Variants in SF3B4 observed in about 807,000 individuals in gnomAD.
The protein encoded by SF3B4 is SAP 49.
SF3B4 carries 3 observed loss-of-function variants against 34.3 expected under a neutral mutation model. The ratio of observed to expected loss-of-function variants is 0.09; its 90% CI spans 0.04 to 0.23. The LOEUF (loss-of-function observed/expected upper bound fraction) is 0.23. Among genes scored for constraint, SF3B4 ranks in the 10% least tolerant of loss-of-function variants. The pLI is 1.00. For synonymous variants in SF3B4, 216 were observed against 207.8 expected (o/e 1.04, Z -0.34); for missense variants, 283 against 567.2 (o/e 0.50, Z 5.09).
chr1:149,927,604 C>A, intron 1 of SF3B4, 122 bp downstream of exon 1: 1 of 1,309,546 alleles, frequency 7.6e-7, no homozygotes. Flanking sequence ...GGCAGAGGGC[C>A]GGTCTCGCGC....
At chr1:149,925,008 A>T (rs1553765779) in intron 4 of SF3B4, among the ~76,000 whole-genome samples, 1 of 152,260 alleles carries the variant, frequency 6.6e-6, no homozygotes, top group African/African-American at 2.4e-5. Context: ...AACTGGAGTC[A>T]AAGTGGCAAG....
In SF3B4 at chr1:149,927,767, G is replaced by A. The variant is rs200662306; in HGVS notation, c.-8C>T. 14 of 1,552,766 alleles carry A rather than the reference G, an allele frequency of 9.0e-6. No homozygotes were observed. In the East Asian group the frequency reaches 2.0e-4, roughly 22 times the overall value. On this transcript the variant is annotated 5_prime_UTR_variant, in exon 1 of 6. Coordinates refer to ENST00000271628, the MANE Select transcript of SF3B4 (RefSeq NM_005850.5). The stretch of plus-strand genomic sequence containing the variant: ...GATCGGCCCGGCAGCCATGGCGAAA[G>A]AGATCCCGCCGTCTCCCAGCAGCGG...
intron 2 of SF3B4, 32 bp downstream of exon 2, chr1:149,927,134 C>T (rs587708376): frequency 6.2e-7 from 1 of 1,610,882 alleles, no homozygotes; most frequent in African/African-American, 1.3e-5. Flanking sequence ...TGGGACCCTC[C>T]GGGAGCAATT....
chr1:149,927,467 C>A, intron 1 of SF3B4, 173 bp from the exon 2 acceptor site: 1 of 792,034 alleles, frequency 1.3e-6, no homozygotes, highest in South Asian at 1.8e-5. Flanking sequence ...TTCGGGAATC[C>A]TCTGAAGTCT....
chr1:149,924,412 G>A (rs1553765734), intron 4 of SF3B4, among the ~76,000 whole-genome samples: 1 of 152,032 alleles, frequency 6.6e-6, no homozygotes, highest in Admixed American at 6.6e-5. Flanking sequence ...ACTCCAGCCT[G>A]GATGACAGAG....
Position 149,923,591 on chromosome 1 carries a change from C to T in SF3B4, c.1226G>A (p.Arg409Gln). The T allele has an allele frequency of 1.9e-6, 3 of 1,551,794 alleles. No homozygotes were observed. The highest frequency in any genetic ancestry group is 2.6e-6 in the Non-Finnish European group (3 of 1,160,082). ...GPLPPPRPTP[R>Q]PPVPPRGPLR... ...TGGGCCTCGAGGGGGAACTGGTGGC[C>T]GGGGAGTGGGTCTGGGTGGAGGGAG... Residue 409 changes from arginine (R) to glutamine (Q), a missense_variant, in exon 6 of 6, where the codon CGG (arginine) becomes CAG (glutamine). Around this residue, in one of 4 missense-constraint regions of SF3B4, gnomAD observed 208 missense variants for 292.6 expected, o/e 0.71. Coordinates refer to ENST00000271628, the MANE Select transcript of SF3B4 (RefSeq NM_005850.5).
rs587684161 is a variant in SF3B4, at chr1:149,926,470, A to C, written c.612T>G (p.Ala204=). ...CTGCAAACAGCTGATGAGGGCGATC[A>C]GCCTGGGAGAGCGGGTTCTGAGCTG... ...LLAAQNPLSQ[A]DRPHQLFADA... The change falls in exon 3 of 6, where the codon GCT becomes GCG. Residue 204 remains alanine (A), a synonymous_variant. Coordinates refer to ENST00000271628, the MANE Select transcript of SF3B4 (RefSeq NM_005850.5). The surrounding 1 kb of genome is among the most constrained non-coding windows in gnomAD (Gnocchi z 6.2). The C allele has an allele frequency of 6.2e-7, 1 of 1,614,226 alleles. No individual in the cohort carries two copies. Among genetic ancestry groups the C allele is most frequent in the South Asian group, 1.1e-5 (1 of 91,088 alleles).
At chr1:149,927,330 G>A (rs1275238620) in intron 1 of SF3B4, 36 bp from the exon 2 acceptor site, 1 of 1,608,134 alleles carries the variant, frequency 6.2e-7, no homozygotes, top group African/African-American at 1.3e-5. Context: ...AAGCGTGAGA[G>A]TGTAACGGGA....
chr1:149,927,050 TA>T, intron 2 of SF3B4, 115 bp downstream of exon 2: 1 of 1,481,044 alleles, frequency 6.8e-7, no homozygotes. Context: ...GTTCCAGAAA[TA>T]AACTGAAGAG....
At position 149,923,829 on chromosome 1, in the gene SF3B4, G is replaced by A. The variant is rs2092570575; in HGVS notation, c.1087+12C>T. The A allele has an allele frequency of 1.3e-6, 2 of 1,580,550 alleles. No individual in the cohort carries two copies. Among genetic ancestry groups the A allele is most frequent in the African/African-American group, 2.8e-5 (2 of 72,666 alleles). On this transcript the variant is annotated intron_variant, in intron 5 of 5. Transcript: ENST00000271628. ...TAAGTGCAGATGAGGGAGGTGGCTA[G>A]AGCCGACTTACCCATGGGAGATCCG... is the stretch of plus-strand genomic sequence containing the variant.
chr1:149,927,019 A>T, intron 2 of SF3B4, 101 bp from the exon 3 acceptor site: 2 of 1,446,744 alleles, frequency 1.4e-6, no homozygotes, highest in Non-Finnish European at 1.9e-6. Flanking sequence ...GAAAGAAACA[A>T]CATCACTTTA....
intron 1 of SF3B4, 151 bp downstream of exon 1, chr1:149,927,575 G>C: frequency 1.9e-6 from 2 of 1,050,418 alleles, no homozygotes; most frequent in Non-Finnish European, 2.8e-6. Flanking sequence ...GCCAGCACCC[G>C]GCCACCCCGC....
intron 4 of SF3B4, among the ~76,000 whole-genome samples, chr1:149,925,228 T>C (rs991144180): frequency 3.3e-5 from 5 of 151,736 alleles, no homozygotes; most frequent in African/African-American, 4.8e-5. Flanking sequence ...AGGAGAGGGA[T>C]AGAAAAATGA....
rs1571523304 is a variant in SF3B4 at position 149,923,888 on chromosome 1, G to A, written c.1040C>T (p.Pro347Leu). The A allele has an allele frequency of 6.2e-7, 1 of 1,605,238 alleles. No homozygotes were observed. The highest frequency in any genetic ancestry group is 1.7e-5 in the Admixed American group (1 of 57,454). ...PPPGMPHPGP[P>L]PMGMPPRGPP... ...CCCTCGGGGGGGCATGCCCATTGGA[G>A]GAGGTCCAGGATGAGGCATTCCAGG... Residue 347 changes from proline (P) to leucine (L), a missense_variant, in exon 5 of 6, where the codon CCT (proline) becomes CTT (leucine). Pro to Leu is a moderately conservative substitution (Grantham distance 98). Around this residue, in one of 4 missense-constraint regions of SF3B4, gnomAD observed 208 missense variants for 292.6 expected, o/e 0.71. Coordinates refer to ENST00000271628, the MANE Select transcript of SF3B4 (RefSeq NM_005850.5).
chr1:149,923,526 G>T lies in SF3B4; in HGVS notation c.*16C>A. ...AGATATTGGGAAAATGTAACAGGAG[G>T]AAGGAAAATGTGAATTTACTGAGGG... On this transcript the variant is annotated 3_prime_UTR_variant, in exon 6 of 6. Coordinates refer to ENST00000271628, the MANE Select transcript of SF3B4 (RefSeq NM_005850.5). The T allele has an allele frequency of 6.4e-7, 1 of 1,565,762 alleles. No individual in the cohort carries two copies. The highest frequency in any genetic ancestry group is 8.6e-7 in the Non-Finnish European group (1 of 1,161,206).
chr1:149,927,125 G>A (rs782275913), intron 2 of SF3B4, 41 bp downstream of exon 2: 6 of 1,609,422 alleles, frequency 3.7e-6, no homozygotes, highest in Non-Finnish European at 5.1e-6. Flanking sequence ...GAATACTGCT[G>A]GGACCCTCCG....
At chr1:149,925,710 T>C (rs782367388) in intron 4 of SF3B4, 126 bp downstream of exon 4, 12 of 767,854 alleles carry the variant, frequency 1.6e-5, no homozygotes, top group East Asian at 1.1e-4. Context: ...GTTTTTATAA[T>C]AGAATGTCTG....
Position 149,926,641 on chromosome 1 carries a change from A to C in SF3B4, c.441T>G (p.Ile147Met). The part of the protein sequence containing the change: ...DTGNSKGYAF[I>M]NFASFDASDA... ...CCGAAGCATCAAATGAAGCAAAATTAATAAAGGCATAACCTTTGGAGTTGC... is the reference window on the plus strand; with the variant it reads ...CCGAAGCATCAAATGAAGCAAAATTCATAAAGGCATAACCTTTGGAGTTGC... Residue 147 changes from isoleucine (I) to methionine (M), a missense_variant, in exon 3 of 6, where the codon ATT (isoleucine) becomes ATG (methionine). By Grantham distance (10) the Ile-to-Met change is conservative (BLOSUM62 1). Transcript: ENST00000271628. This position sits in a 1 kb window ranked among gnomAD's most constrained non-coding sequence, Gnocchi z 6.2. The C allele has an allele frequency of 6.2e-7, 1 of 1,614,236 alleles. No individual in the cohort carries two copies. Among genetic ancestry groups the C allele is most frequent in the Non-Finnish European group, 8.5e-7 (1 of 1,180,044 alleles).
At position 149,923,863 on chromosome 1, in the gene SF3B4, C is replaced by G. The variant is rs1553765649; in HGVS notation, c.1065G>C (p.Gly355=). ...TACCCATGGGAGATCCGAATGGAGGCCCTCGGGGGGGCATGCCCATTGGAG... is the reference window on the plus strand; with the variant it reads ...TACCCATGGGAGATCCGAATGGAGGGCCTCGGGGGGGCATGCCCATTGGAG... ...GPPPMGMPPR[G]PPFGSPMGHP... is the part of the protein sequence containing the mutation. Residue 355 remains glycine (G), a synonymous_variant, in exon 5 of 6, where the codon GGG becomes GGC. Transcript: ENST00000271628. 1.9e-6 allele frequency: 3 copies of G among 1,601,388 alleles called. No homozygotes were observed. The Admixed American group carries it at 5.3e-5, about 28-fold the overall frequency.
Sources: gnomAD v4.1 joint callset for allele counts (sites outside exome capture counted in the v4.1 genomes callset) on GRCh38, gnomAD v4.1.1 for gene constraint, gnomAD v4.1.1 regional missense constraint, Gnocchi (gnomAD v3.1) non-coding constraint, MANE v1.5 for transcripts, NCBI Gene and HGNC (gene_info 2026-07-23, HGNC 2026-07-21) for gene names.